WDR17: variants seen among roughly 807,000 people sequenced by gnomAD.
WDR17 encodes WD repeat-containing protein 17.
A neutral mutation model predicts 161.7 loss-of-function variants in WDR17; 143 were observed. That is an observed-to-expected ratio of 0.88 (90% confidence interval 0.77 to 1.02). The LOEUF is 1.02. WDR17 is among the 50% of genes least tolerant of loss of function. The pLI is 0.00. For synonymous variants in WDR17, 517 were observed against 515.6 expected (o/e 1.00, Z -0.04); for missense variants, 1,469 against 1,520.9 (o/e 0.97, Z 0.57).
At chr4:176,126,881 C>T (rs1742533572) in intron 5 of WDR17, among the ~76,000 whole-genome samples, 1 of 152,180 alleles carries the variant, frequency 6.6e-6, no homozygotes, top group Admixed American at 6.5e-5. Context: ...TGTTTGCCCT[C>T]ACTCCATTCC....
intron 1 of WDR17, among the ~76,000 whole-genome samples, chr4:176,083,714 C>A (rs1260618729): frequency 1.3e-5 from 2 of 152,080 alleles, no homozygotes; most frequent in African/African-American, 4.8e-5. Flanking sequence ...AAATGCTGGT[C>A]ATGGGGTATG....
chr4:176,075,804 C>G (rs991953566), intron 1 of WDR17, among the ~76,000 whole-genome samples: 2 of 151,618 alleles, frequency 1.3e-5, no homozygotes, highest in African/African-American at 4.9e-5. Flanking sequence ...TGCCCTATGT[C>G]TACAAAAAAG....
At chr4:176,149,484 G>T (rs972851111) in intron 13 of WDR17, among the ~76,000 whole-genome samples, 1 of 151,976 alleles carries the variant, frequency 6.6e-6, no homozygotes, top group Non-Finnish European at 1.5e-5. Flanking sequence ...TGCCCAGGCC[G>T]ATCTCAAACT....
rs1561183501 is a variant in WDR17, at chr4:176,150,174, G to GT, written c.2178+2dup. ...AAGATGGTTCTCAGAATGTTTATCTGTAAGTATTACAGGAATTAAATGCGA... is the reference window on the plus strand; with the variant it reads ...AAGATGGTTCTCAGAATGTTTATCTGTTAAGTATTACAGGAATTAAATGCGA... On this transcript the variant is annotated splice_donor_variant, in intron 15 of 28. Transcript: ENST00000508596. LOFTEE classifies it high-confidence loss of function. The GT allele has an allele frequency of 6.2e-7, 1 of 1,611,828 alleles. No individual in the cohort carries two copies. The highest frequency in any genetic ancestry group is 1.1e-5 in the South Asian group (1 of 90,672).
At chr4:176,110,693 T>G (rs1739564335) in intron 1 of WDR17, among the ~76,000 whole-genome samples, 1 of 152,192 alleles carries the variant, frequency 6.6e-6, no homozygotes, top group South Asian at 2.1e-4. Context: ...TACATATAGA[T>G]TCATAGCATT....
rs1030668743 is a variant in WDR17, at chr4:176,135,129, G to T, written c.1120G>T (p.Asp374Tyr). 1 of 1,611,894 alleles carries T rather than the reference G, an allele frequency of 6.2e-7. No individual in the cohort carries two copies. ...CTAGGGACATGTGGAAACTATCTTT[G>T]ACTGCAAATTCAAACCTGACGATCC... ...RDLGHVETIF[D>Y]CKFKPDDPNL... The change falls in exon 8 of 29, where the codon GAC becomes TAC. Residue 374 changes from aspartate to tyrosine, a missense_variant. Physicochemically the swap from Asp to Tyr is radical, Grantham distance 160. Coordinates refer to ENST00000508596, the MANE Select transcript of WDR17 (RefSeq NM_181265.4).
At chr4:176,131,788 CCCA>C in intron 7 of WDR17, 50 bp downstream of exon 7, 2 of 1,323,694 alleles carry the variant, frequency 1.5e-6, no homozygotes, top group Non-Finnish European at 2.0e-6. Flanking sequence ...TTTGTGTAAA[CCCA>C]TGATCTTTAC....
At chr4:176,159,965 T>C in intron 18 of WDR17, 29 bp from the exon 19 acceptor site, 1 of 1,541,706 alleles carries the variant, frequency 6.5e-7, no homozygotes, top group East Asian at 2.3e-5. Context: ...AATAATATAT[T>C]GTTTAAAAAA....
At chr4:176,177,370 A>G (rs1751595471) in intron 27 of WDR17, 101 bp from the exon 28 acceptor site, 3 of 1,194,474 alleles carry the variant, frequency 2.5e-6, no homozygotes, top group Non-Finnish European at 3.5e-6. Flanking sequence ...GTCTCCATCA[A>G]TAAAGGGGAA....
At position 176,159,998 on chromosome 4, in the gene WDR17, G is replaced by A. The variant is rs757305286; in HGVS notation, c.2530G>A (p.Ala844Thr). The A allele has an allele frequency of 6.2e-7, 1 of 1,600,930 alleles. No individual in the cohort carries two copies. The highest frequency in any genetic ancestry group is 2.2e-5 in the East Asian group (1 of 44,794). ...KYWKKLMQRR[A>T]DQLIQEDKDD... ...AAACTGTCCTTATTTTATTAGGAGA[G>A]CTGACCAATTAATCCAGGAAGATAA... Residue 844 changes from alanine (A) to threonine (T), a missense_variant, in exon 19 of 29, where the codon GCT becomes ACT. By Grantham distance (58) the Ala-to-Thr change is moderately conservative. Transcript: ENST00000508596.
chr4:176,131,693 A>T lies in WDR17; in HGVS notation c.1053A>T (p.Gly351=). 1 of 1,613,196 alleles carries T rather than the reference A, an allele frequency of 6.2e-7. No homozygotes were observed. Residue 351 remains glycine (G), a synonymous_variant, in exon 7 of 29, where the codon GGA becomes GGT. Coordinates refer to ENST00000508596, the MANE Select transcript of WDR17 (RefSeq NM_181265.4). ...AVCCFLDGGV[G]LYDMGAKKWD... The stretch of plus-strand genomic sequence containing the variant: ...GTTGTTTCTTGGATGGTGGAGTTGG[A>T]CTTTATGATATGGGAGCTAAGAAGT...
chr4:176,162,009 A>T, intron 20 of WDR17, 66 bp from the exon 21 acceptor site: 2 of 1,319,790 alleles, frequency 1.5e-6, no homozygotes, highest in Non-Finnish European at 2.1e-6. Context: ...CCTTTTAAAA[A>T]GTATTAGTTT....
intron 1 of WDR17, among the ~76,000 whole-genome samples, chr4:176,069,689 A>G (rs1040615253): frequency 2.6e-5 from 4 of 152,160 alleles, no homozygotes; most frequent in Non-Finnish European, 5.9e-5. Context: ...TGTCCCAGGC[A>G]GACTCATTTA....
At position 176,179,487 on chromosome 4, in the gene WDR17, A is replaced by G. The variant is rs752066468; in HGVS notation, c.3760A>G (p.Lys1254Glu). ...QGPVFFLEDG[K>E]SAISLNDALM... is the part of the protein sequence containing the mutation. Reference sequence around the variant, plus strand: ...CCCTGTGTTTTTCCTTGAAGACGGGAAATCTGCTATCTCCTTGAATGATGC... The same window carrying G: ...CCCTGTGTTTTTCCTTGAAGACGGGGAATCTGCTATCTCCTTGAATGATGC... The change falls in exon 29 of 29, where the codon AAA (lysine) becomes GAA (glutamate). Residue 1254 changes from lysine (K) to glutamate (E), a missense_variant. By Grantham distance (56) the Lys-to-Glu change is moderately conservative. Coordinates refer to ENST00000508596, the MANE Select transcript of WDR17 (RefSeq NM_181265.4). 3 of 1,601,080 alleles carry G rather than the reference A, an allele frequency of 1.9e-6. No homozygotes were observed. The South Asian group carries it at 3.4e-5, about 18-fold the overall frequency.
chr4:176,161,112 C>T (rs1045442143), intron 20 of WDR17, 110 bp downstream of exon 20: 1 of 756,796 alleles, frequency 1.3e-6, no homozygotes, highest in Non-Finnish European at 2.0e-6. Context: ...ACTTGACTGC[C>T]TCAACCGCAT....
At chr4:176,153,057 T>C (rs1287396191) in intron 17 of WDR17, among the ~76,000 whole-genome samples, 4 of 152,184 alleles carry the variant, frequency 2.6e-5, no homozygotes, top group African/African-American at 9.7e-5. Context: ...TTGGCATCAC[T>C]GGGATCCCTA....
chr4:176,076,811 C>T (rs2126574483), intron 1 of WDR17, among the ~76,000 whole-genome samples: 1 of 151,964 alleles, frequency 6.6e-6, no homozygotes, highest in East Asian at 1.9e-4. Context: ...TATTGATTAC[C>T]AAAACACAGA....
At chr4:176,110,786 T>C (rs1739586397) in intron 1 of WDR17, among the ~76,000 whole-genome samples, 1 of 152,200 alleles carries the variant, frequency 6.6e-6, no homozygotes, top group Non-Finnish European at 1.5e-5. Flanking sequence ...TAAGGTTTAA[T>C]GCTTGACTCC....
intron 1 of WDR17, among the ~76,000 whole-genome samples, chr4:176,101,886 G>A (rs749022345): frequency 6.6e-5 from 10 of 152,058 alleles, no homozygotes; most frequent in Admixed American, 3.3e-4. Flanking sequence ...CCCAAAATGC[G>A]GCATAGAACT....
Sources: gnomAD v4.1 joint callset for allele counts (sites outside exome capture counted in the v4.1 genomes callset) on GRCh38, gnomAD v4.1.1 for gene constraint, MANE v1.5 for transcripts, NCBI Gene and HGNC (gene_info 2026-07-23, HGNC 2026-07-21) for gene names.